Variants in NEGR1 observed in about 807,000 individuals in gnomAD.
The protein encoded by NEGR1 is neuronal growth regulator 1.
NEGR1 carries 10 observed loss-of-function variants against 40.9 expected under a neutral mutation model. The observed-to-expected ratio is 0.24, with a 90% CI of 0.15 to 0.42. The LOEUF is 0.42. NEGR1 is among the 10% of genes least tolerant of loss of function. NEGR1 has a pLI of 1.00. For synonymous variants in NEGR1, 185 were observed against 166.8 expected (o/e 1.11, Z -0.84); for missense variants, 352 against 438.9 (o/e 0.80, Z 1.77).
chr1:71,971,803 C>G (rs1361728781), intron 1 of NEGR1, among the ~76,000 whole-genome samples: 1 of 152,154 alleles, frequency 6.6e-6, no homozygotes, highest in African/African-American at 2.4e-5. Context: ...AATTCATAGT[C>G]TGCTCTTAAA....
chr1:72,071,131 A>C (rs928350810), intron 1 of NEGR1, among the ~76,000 whole-genome samples: 17 of 152,042 alleles, frequency 1.1e-4, no homozygotes, highest in Non-Finnish European at 2.4e-4. Context: ...ATAGAACCAC[A>C]GGCATATCTG....
chr1:72,219,559 A>T (rs1389684995), intron 1 of NEGR1, among the ~76,000 whole-genome samples: 2 of 152,052 alleles, frequency 1.3e-5, no homozygotes, highest in Non-Finnish European at 2.9e-5. Flanking sequence ...AGCTTATGAT[A>T]TATATTCAAA....
chr1:71,864,520 C>G (rs1198488581), intron 2 of NEGR1, among the ~76,000 whole-genome samples: 1 of 152,084 alleles, frequency 6.6e-6, no homozygotes, highest in Admixed American at 6.6e-5. Flanking sequence ...TTTCCTGATA[C>G]ATTGATAAAT....
At chr1:71,415,756 T>C (rs1646350748) in intron 6 of NEGR1, among the ~76,000 whole-genome samples, 1 of 152,214 alleles carries the variant, frequency 6.6e-6, no homozygotes, top group African/African-American at 2.4e-5. Context: ...AGAAGTAATT[T>C]ACATGAATAT....
chr1:71,553,009 G>C (rs1648136726), intron 6 of NEGR1, among the ~76,000 whole-genome samples: 1 of 151,200 alleles, frequency 6.6e-6, no homozygotes, highest in African/African-American at 2.4e-5. Context: ...TTTATTTGCA[G>C]TCTATTTCGT....
intron 1 of NEGR1, among the ~76,000 whole-genome samples, chr1:72,036,389 C>T (rs1392627602): frequency 6.6e-6 from 1 of 152,090 alleles, no homozygotes; most frequent in African/African-American, 2.4e-5. Flanking sequence ...GGCACGTTGG[C>T]TCACACCCAT....
chr1:71,427,107 A>G (rs1258249947), intron 6 of NEGR1, among the ~76,000 whole-genome samples: 2 of 152,224 alleles, frequency 1.3e-5, no homozygotes, highest in Non-Finnish European at 2.9e-5. Flanking sequence ...CTGTACCTGT[A>G]TGCATGCTCA....
At chr1:71,705,107 T>C (rs1371927464) in intron 3 of NEGR1, among the ~76,000 whole-genome samples, 1 of 152,120 alleles carries the variant, frequency 6.6e-6, no homozygotes, top group African/African-American at 2.4e-5. Flanking sequence ...GAGAATTATC[T>C]CAATCTGCCA....
intron 1 of NEGR1, among the ~76,000 whole-genome samples, chr1:72,067,697 A>C (rs537952465): frequency 7.1e-4 from 108 of 152,200 alleles, no homozygotes; most frequent in African/African-American, 2.3e-3. Context: ...GTGGATTTGA[A>C]GAGATTTAAC....
chr1:72,121,821 T>C (rs1649816066), intron 1 of NEGR1, among the ~76,000 whole-genome samples: 1 of 152,062 alleles, frequency 6.6e-6, no homozygotes, highest in Non-Finnish European at 1.5e-5. Context: ...CTGAGGTGAA[T>C]TGCGTCTCAT....
intron 2 of NEGR1, among the ~76,000 whole-genome samples, chr1:71,883,349 C>T (rs1394571021): frequency 6.6e-6 from 1 of 152,066 alleles, no homozygotes; most frequent in Non-Finnish European, 1.5e-5. Flanking sequence ...ATACATCAAA[C>T]TTCCACCGTT....
chr1:71,480,594 C>G (rs569218954), intron 6 of NEGR1, among the ~76,000 whole-genome samples: 4 of 151,952 alleles, frequency 2.6e-5, no homozygotes, highest in African/African-American at 7.2e-5. Flanking sequence ...TTCATATTTA[C>G]TGAGTTAATG....
intron 2 of NEGR1, among the ~76,000 whole-genome samples, chr1:71,928,323 C>CACACATAT (rs376787356): frequency 2.8e-5 from 1 of 35,840 alleles, no homozygotes; most frequent in Admixed American, 3.9e-4. Flanking sequence ...TATGTATATA[C>CACACATAT]GTATATATGT....
chr1:71,746,128 T>C (rs1655374302), intron 3 of NEGR1, among the ~76,000 whole-genome samples: 1 of 152,236 alleles, frequency 6.6e-6, no homozygotes, highest in Admixed American at 6.5e-5. Context: ...GGCTCCTGTG[T>C]CATATAAAAG....
intron 4 of NEGR1, among the ~76,000 whole-genome samples, chr1:71,612,226 C>T (rs1031885269): frequency 1.3e-5 from 2 of 152,048 alleles, no homozygotes; most frequent in African/African-American, 4.8e-5. Context: ...CGTCTCAAAA[C>T]AAAACAAAAC....
At chr1:71,939,522 A>C (rs1645940309) in intron 1 of NEGR1, among the ~76,000 whole-genome samples, 1 of 152,188 alleles carries the variant, frequency 6.6e-6, no homozygotes, top group African/African-American at 2.4e-5. Flanking sequence ...TTGGAAAAGC[A>C]AAGTCACACC....
intron 1 of NEGR1, among the ~76,000 whole-genome samples, chr1:71,970,863 C>T (rs1332579951): frequency 6.6e-6 from 1 of 152,136 alleles, no homozygotes; most frequent in East Asian, 1.9e-4. Flanking sequence ...ACAGACTCTA[C>T]AGTATGTTTG....
At chr1:72,245,793 A>C (rs940590887) in intron 1 of NEGR1, among the ~76,000 whole-genome samples, 1 of 152,154 alleles carries the variant, frequency 6.6e-6, no homozygotes, top group Non-Finnish European at 1.5e-5. Flanking sequence ...TAAATATTCC[A>C]TTAATCCAAA....
At chr1:71,880,253 T>C (rs977753064) in intron 2 of NEGR1, among the ~76,000 whole-genome samples, 13 of 152,034 alleles carry the variant, frequency 8.6e-5, no homozygotes, top group East Asian at 1.9e-4. Context: ...TTAAATATTT[T>C]ATTTATATCC....
Sources: gnomAD v4.1 joint callset for allele counts (sites outside exome capture counted in the v4.1 genomes callset) on GRCh38, gnomAD v4.1.1 for gene constraint, MANE v1.5 for transcripts, NCBI Gene and HGNC (gene_info 2026-07-23, HGNC 2026-07-21) for gene names.